Variants in TRPM3 observed in about 807,000 individuals in gnomAD.
TRPM3 encodes the protein long transient receptor potential channel 3.
Under a neutral mutation model 181.2 loss-of-function variants are expected in TRPM3, and 77 were observed. The ratio of observed to expected loss-of-function variants is 0.42; its 90% CI spans 0.35 to 0.51. The LOEUF is 0.51. Ranked by LOEUF, TRPM3 falls within the 20% of genes least tolerant of loss-of-function variation. The pLI is 0.01. For missense variants in TRPM3, 1,759 were observed against 2,196.7 expected (o/e 0.80, Z 3.98); for synonymous variants, 745 against 796.4 (o/e 0.94, Z 1.09).
intron 1 of TRPM3, among the ~76,000 whole-genome samples, chr9:71,343,821 TAAGA>T (rs2091118615): frequency 6.6e-6 from 1 of 152,060 alleles, no homozygotes; most frequent in African/African-American, 2.4e-5. Context: ...GGGGAAAATA[TAAGA>T]TGAGCCTGGG....
In TRPM3 at chr9:71,139,666, T is replaced by C. The variant is rs79039875; in HGVS notation, c.184-275155A>G. Among the ~76,000 whole-genome samples, 1,087 of 152,288 alleles carry C rather than the reference T, an allele frequency of 7.1e-3. 16 individuals are homozygous for C. Among genetic ancestry groups the C allele is most frequent in the African/African-American group, 0.024 (1,013 of 41,546 alleles). On this transcript the variant is annotated intron_variant, in intron 1 of 24. Transcript: ENST00000357533. Reference sequence around the variant, plus strand: ...TTATTTTGTTCACTGCAGTACAGAATGGTTAATAATAAAAGTAGTAATACC... The same window carrying C: ...TTATTTTGTTCACTGCAGTACAGAACGGTTAATAATAAAAGTAGTAATACC...
intron 1 of TRPM3, among the ~76,000 whole-genome samples, chr9:71,420,551 AAGAAAGAGAAAGAAAAAGAGAAG>A (rs1383733937): frequency 4.0e-5 from 6 of 151,032 alleles, no homozygotes; most frequent in South Asian, 2.1e-4. Context: ...GAAAAAGAGA[AAGAAAGAGAAAGAAAAAGAGAAG>A]AGAAAGAGAA....
At chr9:70,593,959 ATATATAT>A (rs1486536786) in intron 21 of TRPM3, among the ~76,000 whole-genome samples, 1 of 147,436 alleles carries the variant, frequency 6.8e-6, no homozygotes, top group African/African-American at 2.5e-5. Flanking sequence ...TGTGTATATA[ATATATAT>A]TATATATACA....
At position 70,807,768 on chromosome 9, in the gene TRPM3, G is replaced by C. The variant is rs149664007; in HGVS notation, c.973+20079C>G. 5.8e-3 allele frequency among the ~76,000 whole-genome samples: 881 copies of C among 152,236 alleles called. 14 individuals carry two copies. Among genetic ancestry groups the C allele is most frequent in the African/African-American group, 0.019 (793 of 41,532 alleles). ...CTACCAAAAGGAGCTGTATGTGGGA[G>C]AGGCTGATATAGAGCACAGCAAGAG... On this transcript the variant is annotated intron_variant, in intron 6 of 25. Transcript: ENST00000677713.
chr9:71,268,481 A>G (rs2083544756), intron 1 of TRPM3, among the ~76,000 whole-genome samples: 1 of 152,130 alleles, frequency 6.6e-6, no homozygotes, highest in Non-Finnish European at 1.5e-5. Flanking sequence ...TTAGAACACA[A>G]TGCTCTAATG....
At chr9:70,680,864 A>G (rs1004749890) in intron 9 of TRPM3, among the ~76,000 whole-genome samples, 1 of 152,226 alleles carries the variant, frequency 6.6e-6, no homozygotes, top group Non-Finnish European at 1.5e-5. Flanking sequence ...ACTGCTCTTC[A>G]TATGGCTCCA....
intron 1 of TRPM3, among the ~76,000 whole-genome samples, chr9:70,885,635 C>T (rs79594830): frequency 0.017 from 2,627 of 152,274 alleles, 77 homozygotes; most frequent in African/African-American, 0.058. Context: ...CTCAGGCCTT[C>T]GGTGTTCTTC....
chr9:70,667,113 T>C (rs2061953477), intron 9 of TRPM3, among the ~76,000 whole-genome samples: 1 of 152,136 alleles, frequency 6.6e-6, no homozygotes, highest in Non-Finnish European at 1.5e-5. Flanking sequence ...TGTTTATCTC[T>C]CTCTCTCTCT....
At chr9:71,278,014 T>C (rs1160053892) in intron 1 of TRPM3, among the ~76,000 whole-genome samples, 1 of 152,152 alleles carries the variant, frequency 6.6e-6, no homozygotes, top group African/African-American at 2.4e-5. Context: ...TTTGTTCTAG[T>C]GGTCCTGTTA....
intron 1 of TRPM3, among the ~76,000 whole-genome samples, chr9:70,893,717 G>A (rs556493460): frequency 1.4e-4 from 22 of 152,242 alleles, no homozygotes; most frequent in African/African-American, 4.6e-4. Flanking sequence ...AATCCAACAC[G>A]TGGCGAGATT....
chr9:70,652,041 G>T (rs1427480816), intron 9 of TRPM3, among the ~76,000 whole-genome samples: 1 of 152,104 alleles, frequency 6.6e-6, no homozygotes, highest in African/African-American at 2.4e-5. Context: ...GGAGGAATAT[G>T]AATAGATCGA....
At chr9:71,315,554 AATTTT>A (rs1389971695) in intron 1 of TRPM3, among the ~76,000 whole-genome samples, 1 of 152,174 alleles carries the variant, frequency 6.6e-6, no homozygotes, top group African/African-American at 2.4e-5. Flanking sequence ...AAATACAATT[AATTTT>A]AAGACCATCA....
At chr9:70,627,980 A>C (rs577257094) in intron 12 of TRPM3, among the ~76,000 whole-genome samples, 1 of 152,308 alleles carries the variant, frequency 6.6e-6, no homozygotes, top group South Asian at 2.1e-4. Context: ...AAAAATATTA[A>C]AAAGGGAGCT....
chr9:71,152,914 G>C (rs1380338800), intron 1 of TRPM3, among the ~76,000 whole-genome samples: 1 of 152,134 alleles, frequency 6.6e-6, no homozygotes, highest in Non-Finnish European at 1.5e-5. Flanking sequence ...GCCTTACCCT[G>C]CTGAAAGTCT....
chr9:71,026,130 G>C (rs1206742620), intron 1 of TRPM3, among the ~76,000 whole-genome samples: 1 of 152,206 alleles, frequency 6.6e-6, no homozygotes, highest in East Asian at 1.9e-4. Flanking sequence ...TGGTGTGGGA[G>C]TATCTATAGT....
Position 70,616,711 on chromosome 9 carries a change from C to A in TRPM3, c.2359-636G>T, listed in dbSNP as rs144824564. ...CAAACACACATACACACACACACAC[C>A]CCCCAGTGGGCTCCGTATGTGCTGA... On this transcript the variant is annotated intron_variant, in intron 17 of 25. Coordinates refer to ENST00000677713, the MANE Select transcript of TRPM3 (RefSeq NM_001366145.2). Among the ~76,000 whole-genome samples the A allele has an allele frequency of 4.9e-3, 745 of 152,058 alleles. 4 individuals carry two copies. Among genetic ancestry groups the A allele is most frequent in the South Asian group, 0.012 (60 of 4,818 alleles).
intron 1 of TRPM3, among the ~76,000 whole-genome samples, chr9:70,887,699 T>C (rs148960855): frequency 6.6e-6 from 1 of 152,284 alleles, no homozygotes; most frequent in East Asian, 1.9e-4. Flanking sequence ...TTTCTTAGTA[T>C]CTGGGTATCT....
chr9:71,148,725 G>A (rs1373255745), intron 1 of TRPM3, among the ~76,000 whole-genome samples: 1 of 152,174 alleles, frequency 6.6e-6, no homozygotes, highest in East Asian at 1.9e-4. Flanking sequence ...AAACTTTCTT[G>A]AAGGAGTTTA....
intron 1 of TRPM3, among the ~76,000 whole-genome samples, chr9:71,388,746 C>CA (rs987206223): frequency 1.1e-4 from 16 of 152,022 alleles, no homozygotes; most frequent in Non-Finnish European, 2.2e-4. Context: ...TCAACAACAA[C>CA]AAAAAAGAAT....
Sources: gnomAD v4.1 joint callset for allele counts (sites outside exome capture counted in the v4.1 genomes callset) on GRCh38, gnomAD v4.1.1 for gene constraint, MANE v1.5 for transcripts, NCBI Gene and HGNC (gene_info 2026-07-23, HGNC 2026-07-21) for gene names.